Variants in POU2F2 observed in about 807,000 individuals in gnomAD.
POU2F2 encodes POU class 2 homeobox 2.
In POU2F2, 14 loss-of-function variants were observed where a neutral mutation model predicts 63.5. That is an observed-to-expected ratio of 0.22 (90% CI 0.15 to 0.34). POU2F2 has a LOEUF of 0.34. Among genes scored for constraint, POU2F2 ranks in the 10% least tolerant of loss-of-function variants. The pLI, the probability that POU2F2 is intolerant of heterozygous loss-of-function variation, is 1.00. For synonymous variants in POU2F2, 306 were observed against 348.6 expected, an observed-to-expected ratio of 0.88 and a Z score of 1.36; for missense variants, 607 against 815.2, an observed-to-expected ratio of 0.74 and a Z score of 3.11.
intron 5 of POU2F2, chr19:42,116,632 T>C (rs1371860345): frequency 3.7e-6 from 1 of 270,694 alleles, no homozygotes; most frequent in Non-Finnish European, 7.4e-6. Context: ...TGTGGACCAG[T>C]CAGCCCCTTC....
At chr19:42,093,698 C>A (rs2076816391) in intron 12 of POU2F2, 131 bp downstream of exon 12, 18 of 888,232 alleles carry the variant, frequency 2.0e-5, no homozygotes, top group Non-Finnish European at 2.8e-5. Flanking sequence ...ACTGTCTCTC[C>A]CATTCCCCCA....
rs115463730 is a variant in POU2F2 at position 42,189,784 on chromosome 19, C to T, written c.-70+6599G>A. Among the ~76,000 whole-genome samples, 345 of 152,206 alleles carry T rather than the reference C, an allele frequency of 2.3e-3. 1 individual carries two copies. Among genetic ancestry groups the T allele is most frequent in the African/African-American group, 7.9e-3 (329 of 41,520 alleles). On this transcript the variant is annotated intron_variant, in intron 1 of 5. Coordinates refer to the POU2F2 transcript ENST00000532176. ...ATACTCTGTCACCTAGGCTGGAGTG[C>T]AGTGGTGGGATCATGGTAGCCTCAA...
intron 2 of POU2F2, among the ~76,000 whole-genome samples, chr19:42,140,540 C>T (rs935060628): frequency 1.3e-5 from 2 of 152,170 alleles, no homozygotes; most frequent in Non-Finnish European, 2.9e-5. Context: ...TGCCAGCCCC[C>T]TTGAATGCTG....
chr19:42,172,975 C>A (rs962260306), intron 1 of POU2F2, among the ~76,000 whole-genome samples: 1 of 152,146 alleles, frequency 6.6e-6, no homozygotes, highest in African/African-American at 2.4e-5. Context: ...TTGGTTCTAG[C>A]GCCAGCATGG....
Position 42,097,192 on chromosome 19 carries a change from GTT to G in POU2F2, c.568-951_568-950del, listed in dbSNP as rs778449653. 6.0e-3 allele frequency among the ~76,000 whole-genome samples: 702 copies of G among 117,722 alleles called. 3 individuals carry two copies. Among genetic ancestry groups the G allele is most frequent in the African/African-American group, 0.02 (627 of 30,958 alleles). The allele number at this position is 117,722 out of a possible 152,430, so 77.2% of individuals were successfully genotyped here. A position where few individuals can be genotyped will look rare whatever the true frequency, so the allele number is the denominator to read the frequency against. On this transcript the variant is annotated intron_variant, in intron 7 of 14. Coordinates refer to ENST00000692977, the MANE Select transcript of POU2F2 (RefSeq NM_001394376.1). ...GGGGCAGATGTTTAGGAATTTTTCA[GTT>G]TTTTTTTTTTTTTTTTTTTTGAGAT...
upstream of POU2F2, among the ~76,000 whole-genome samples, chr19:42,180,932 G>T (rs1316366708): frequency 2.7e-5 from 4 of 150,364 alleles, no homozygotes; most frequent in Non-Finnish European, 5.9e-5. Context: ...GTCTCCATAT[G>T]TTCCCCAGGC....
At chr19:42,126,233 A>T (rs537297725) in intron 1 of POU2F2, among the ~76,000 whole-genome samples, 1 of 152,130 alleles carries the variant, frequency 6.6e-6, no homozygotes, top group Non-Finnish European at 1.5e-5. Flanking sequence ...TCACCAGTTC[A>T]GGAGTTTGAG....
At chr19:42,106,789 A>G (rs2030110354) in intron 5 of POU2F2, among the ~76,000 whole-genome samples, 1 of 138,372 alleles carries the variant, frequency 7.2e-6, no homozygotes, top group Non-Finnish European at 1.5e-5. Context: ...AAGGAGGAAG[A>G]GGAGGAGGAG....
chr19:42,195,143 G>C (rs1308487463), intron 1 of POU2F2, among the ~76,000 whole-genome samples: 1 of 125,630 alleles, frequency 8.0e-6, no homozygotes, highest in Non-Finnish European at 1.7e-5. Context: ...GGAACGAAGG[G>C]AGGGAGGGAG....
At chr19:42,170,760 C>T (rs2034746345) in intron 1 of POU2F2, among the ~76,000 whole-genome samples, 1 of 152,258 alleles carries the variant, frequency 6.6e-6, no homozygotes, top group Admixed American at 6.5e-5. Context: ...AGGCAGGATG[C>T]ATGGTGGATC....
chr19:42,192,688 A>G (rs920294353), intron 1 of POU2F2, among the ~76,000 whole-genome samples: 4 of 152,082 alleles, frequency 2.6e-5, no homozygotes, highest in Non-Finnish European at 4.4e-5. Context: ...CACTCTATAC[A>G]CTCAAAGACC....
At chr19:42,130,972 C>T (rs1222893511) in intron 1 of POU2F2, among the ~76,000 whole-genome samples, 2 of 102,110 alleles carry the variant, frequency 2.0e-5, no homozygotes, top group African/African-American at 3.9e-5. Context: ...CCAGCCCTGA[C>T]CCCTCTGCCT....
Position 42,156,128 on chromosome 19 carries a change from G to A in POU2F2, c.-9+4204C>T, listed in dbSNP as rs762989623. The stretch of plus-strand genomic sequence containing the variant: ...CGTCTCTCTATTTGAAGTCAGAGCC[G>A]AGTGCCTGCTCTCGGCACCTGGGGC... On this transcript the variant is annotated intron_variant, in intron 2 of 6. Transcript: ENST00000524801. This position sits in a 1 kb window ranked among gnomAD's most constrained non-coding sequence, Gnocchi z 4.1. 2 of 152,302 alleles carry A rather than the reference G, an allele frequency of 1.3e-5. No homozygotes were observed. Among genetic ancestry groups the A allele is most frequent in the Admixed American group, 1.3e-4 (2 of 15,296 alleles). 9.4% of individuals were successfully genotyped at this position (152,302 alleles called of 1,614,324 possible). A position where few individuals can be genotyped will look rare whatever the true frequency, so the allele number is the denominator to read the frequency against.
intron 1 of POU2F2, among the ~76,000 whole-genome samples, chr19:42,130,576 C>T (rs1851556101): frequency 6.6e-6 from 1 of 151,998 alleles, no homozygotes. Context: ...CAGAGAGGAA[C>T]GAGTCAGTGG....
At chr19:42,145,105 G>A (rs1568412557) in intron 2 of POU2F2, among the ~76,000 whole-genome samples, 1 of 152,250 alleles carries the variant, frequency 6.6e-6, no homozygotes, top group Non-Finnish European at 1.5e-5. Flanking sequence ...ATAGTTGAAT[G>A]ACACTGCCAG....
At chr19:42,128,074 C>G (rs192541586) in intron 1 of POU2F2, among the ~76,000 whole-genome samples, 69 of 152,256 alleles carry the variant, frequency 4.5e-4, no homozygotes, top group African/African-American at 1.6e-3. Context: ...GTGTCTCTCT[C>G]TTCTGGGCTT....
At chr19:42,099,644 G>GGGTGAGGGGGAGGGGAA in intron 6 of POU2F2, 26 bp from the exon 7 acceptor site, 1 of 1,607,514 alleles carries the variant, frequency 6.2e-7, no homozygotes, top group Non-Finnish European at 8.5e-7. Flanking sequence ...GAAATACACA[G>GGGTGAGGGGGAGGGGAA]GGTGAGGGGG....
chr19:42,116,800 C>T (rs548531834), intron 5 of POU2F2: 4 of 372,594 alleles, frequency 1.1e-5, no homozygotes, highest in South Asian at 7.7e-5. Context: ...GTCACCCCCC[C>T]CAGAGGAGGC....
intron 1 of POU2F2, among the ~76,000 whole-genome samples, chr19:42,181,698 T>G (rs2034962828): frequency 6.6e-6 from 1 of 152,134 alleles, no homozygotes; most frequent in Non-Finnish European, 1.5e-5. Flanking sequence ...GCTATTCTCC[T>G]GCCTCAGCCT....
Sources: gnomAD v4.1 joint callset for allele counts (sites outside exome capture counted in the v4.1 genomes callset) on GRCh38, gnomAD v4.1.1 for gene constraint, Gnocchi (gnomAD v3.1) non-coding constraint, MANE v1.5 for transcripts, NCBI Gene and HGNC (gene_info 2026-07-23, HGNC 2026-07-21) for gene names.